Variants in SLC1A7 observed in about 807,000 individuals in gnomAD.
SLC1A7 encodes solute carrier family 1 member 7.
SLC1A7 carries 40 observed loss-of-function variants against 47.7 expected under a neutral mutation model. That is an observed-to-expected ratio of 0.84 (90% confidence interval 0.65 to 1.09). SLC1A7 has a LOEUF of 1.09. Among genes scored for constraint, SLC1A7 ranks in the 50% least tolerant of loss-of-function variants. The pLI is 0.00. For missense variants in SLC1A7, 746 were observed against 769.5 expected (o/e 0.97, Z 0.36); for synonymous variants, 323 against 325.6 (o/e 0.99, Z 0.09).
intron 2 of SLC1A7, among the ~76,000 whole-genome samples, chr1:53,119,909 C>T (rs1391135162): frequency 6.6e-6 from 1 of 152,014 alleles, no homozygotes; most frequent in African/African-American, 2.4e-5. Flanking sequence ...TAGGCAACCA[C>T]CTCTCTCCCA....
chr1:53,090,958 A>G, intron 7 of SLC1A7, 152 bp from the exon 8 acceptor site: 1 of 1,515,900 alleles, frequency 6.6e-7, no homozygotes, highest in Non-Finnish European at 8.8e-7. Flanking sequence ...GACCGCGGGC[A>G]CTGCAGTGCT....
chr1:53,141,817 T>C (rs1447522756), intron 1 of SLC1A7, among the ~76,000 whole-genome samples: 1 of 152,144 alleles, frequency 6.6e-6, no homozygotes, highest in East Asian at 1.9e-4. Flanking sequence ...GTCGCTCTTC[T>C]GCCCAAAAGC....
intron 2 of SLC1A7, among the ~76,000 whole-genome samples, chr1:53,126,663 G>A (rs74463858): frequency 0.016 from 2,375 of 152,260 alleles, 52 homozygotes; most frequent in African/African-American, 0.051. Context: ...TAGCATCGGG[G>A]GACAGGCCCA....
At chr1:53,094,618 C>T (rs532514676) in intron 5 of SLC1A7, among the ~76,000 whole-genome samples, 67 of 152,340 alleles carry the variant, frequency 4.4e-4, no homozygotes, top group Non-Finnish European at 9.1e-4. Context: ...GAGGTGAGGG[C>T]CCTGCCAGGG....
intron 7 of SLC1A7, chr1:53,091,111 T>C (rs538947037): frequency 5.1e-4 from 351 of 693,170 alleles, no homozygotes; most frequent in Non-Finnish European, 7.9e-4. Flanking sequence ...TGGGCCAGGC[T>C]GTCTGGGCTT....
chr1:53,128,433 TGC>T (rs1553164776), intron 2 of SLC1A7, among the ~76,000 whole-genome samples: 5 of 94,758 alleles, frequency 5.3e-5, no homozygotes, highest in African/African-American at 7.8e-5. Context: ...GCTGTGGTCA[TGC>T]CACTGCACTC....
chr1:53,137,849 G>A (rs915464155), intron 1 of SLC1A7, among the ~76,000 whole-genome samples: 1 of 152,182 alleles, frequency 6.6e-6, no homozygotes, highest in African/African-American at 2.4e-5. Flanking sequence ...CTGCTCTCTA[G>A]GCCCAGTGCT....
intron 10 of SLC1A7, 24 bp from the exon 11 acceptor site, chr1:53,088,251 G>A: frequency 3.8e-6 from 6 of 1,566,270 alleles, no homozygotes; most frequent in Non-Finnish European, 5.2e-6. Flanking sequence ...ACAGGTCTTT[G>A]TAGCAGCAGG....
chr1:53,131,911 G>A (rs1025978010), intron 2 of SLC1A7, among the ~76,000 whole-genome samples: 4 of 152,248 alleles, frequency 2.6e-5, no homozygotes, highest in Non-Finnish European at 4.4e-5. Context: ...AGGGTGGCAT[G>A]AAGGGGTTGG....
chr1:53,099,962 C>G (rs1294805206), intron 5 of SLC1A7, among the ~76,000 whole-genome samples: 1 of 151,318 alleles, frequency 6.6e-6, no homozygotes, highest in Non-Finnish European at 1.5e-5. Context: ...CCTCGTTATA[C>G]TCACACCATC....
At chr1:53,140,545 G>A (rs1194186585) in intron 1 of SLC1A7, among the ~76,000 whole-genome samples, 1 of 152,088 alleles carries the variant, frequency 6.6e-6, no homozygotes, top group Non-Finnish European at 1.5e-5. Flanking sequence ...AACCAGCTCT[G>A]AAGCCAGGCA....
At chr1:53,124,828 A>AACTTGTCAC (rs1370013103) in intron 2 of SLC1A7, among the ~76,000 whole-genome samples, 1 of 152,218 alleles carries the variant, frequency 6.6e-6, no homozygotes, top group Non-Finnish European at 1.5e-5. Context: ...GTGACAGGCA[A>AACTTGTCAC]AAGACTTTGC....
chr1:53,098,801 A>AGTACACTCACACACCCTGCCTTG (rs1230387880), intron 5 of SLC1A7, among the ~76,000 whole-genome samples: 1 of 149,380 alleles, frequency 6.7e-6, no homozygotes, highest in Non-Finnish European at 1.5e-5. Flanking sequence ...AACCTGCTTC[A>AGTACACTCACACACCCTGCCTTG]GTACACTCAC....
At chr1:53,090,331 C>T in intron 8 of SLC1A7, 1 of 552,204 alleles carries the variant, frequency 1.8e-6, no homozygotes, top group East Asian at 3.2e-5. Context: ...CCTCCGTCAG[C>T]CTCAGCCGCA....
At chr1:53,105,654 G>A in intron 4 of SLC1A7, 78 bp downstream of exon 4, 1 of 1,124,082 alleles carries the variant, frequency 8.9e-7, no homozygotes, top group South Asian at 1.2e-5. Context: ...TCACTTCCCA[G>A]CCATGCCACT....
chr1:53,113,417 C>T (rs1011354082), intron 3 of SLC1A7, among the ~76,000 whole-genome samples: 8 of 152,030 alleles, frequency 5.3e-5, no homozygotes, highest in Non-Finnish European at 1.0e-4. Flanking sequence ...TTGACACCTA[C>T]CCCAGGATGC....
At chr1:53,102,245 C>T (rs760647915) in intron 5 of SLC1A7, 8 of 152,328 alleles carry the variant, frequency 5.3e-5, no homozygotes, top group Non-Finnish European at 1.2e-4. Flanking sequence ...GTCACCCAGC[C>T]GTCCACCCAT....
At chr1:53,100,834 G>A (rs927004986) in intron 5 of SLC1A7, among the ~76,000 whole-genome samples, 5 of 144,334 alleles carry the variant, frequency 3.5e-5, no homozygotes, top group African/African-American at 5.2e-5. Context: ...ACATCACCTC[G>A]GTACACTGCC....
intron 2 of SLC1A7, among the ~76,000 whole-genome samples, chr1:53,127,390 T>A (rs1393039618): frequency 6.6e-6 from 1 of 152,194 alleles, no homozygotes; most frequent in Non-Finnish European, 1.5e-5. Flanking sequence ...AGCTGAGCAG[T>A]GGCTCCACTC....
Sources: allele counts gnomAD v4.1 joint callset (sites outside exome capture counted in the v4.1 genomes callset), GRCh38; gene constraint gnomAD v4.1.1; transcripts MANE v1.5; gene names NCBI Gene and HGNC (gene_info 2026-07-23, HGNC 2026-07-21).